RXFP1: variants seen among roughly 807,000 people sequenced by gnomAD.
RXFP1 encodes the protein relaxin receptor 1.
RXFP1 carries 73 observed loss-of-function variants against 89.8 expected under a neutral mutation model. The ratio of observed to expected loss-of-function variants is 0.81; its 90% confidence interval spans 0.67 to 0.99. The LOEUF (loss-of-function observed/expected upper bound fraction) is 0.99. RXFP1 is among the 50% of genes least tolerant of loss of function. The pLI is 0.00. For missense variants in RXFP1, 793 were observed against 895.5 expected (o/e 0.89, Z 1.46); for synonymous variants, 277 against 305.5 (o/e 0.91, Z 0.97).
intron 6 of RXFP1, among the ~76,000 whole-genome samples, chr4:158,611,197 A>G (rs1235059651): frequency 6.6e-6 from 1 of 152,200 alleles, no homozygotes; most frequent in African/African-American, 2.4e-5. Flanking sequence ...GGCTTACAGG[A>G]ATTCACTGCT....
intron 1 of RXFP1, among the ~76,000 whole-genome samples, chr4:158,566,314 T>C (rs1286043675): frequency 6.6e-6 from 1 of 152,230 alleles, no homozygotes; most frequent in African/African-American, 2.4e-5. Context: ...AAATGTTCTT[T>C]ATCCAATACT....
intron 8 of RXFP1, among the ~76,000 whole-genome samples, chr4:158,615,119 G>A (rs1764300407): frequency 6.6e-6 from 1 of 152,008 alleles, no homozygotes; most frequent in African/African-American, 2.4e-5. Context: ...GCCATTGTAA[G>A]GTCATTAATT....
chr4:158,560,642 A>G (rs1415121450), intron 1 of RXFP1, among the ~76,000 whole-genome samples: 1 of 152,150 alleles, frequency 6.6e-6, no homozygotes, highest in Non-Finnish European at 1.5e-5. Flanking sequence ...CCGGGTTGGC[A>G]TTTTGTAGGT....
At chr4:158,578,595 C>A (rs1174446663) in intron 2 of RXFP1, among the ~76,000 whole-genome samples, 2 of 152,132 alleles carry the variant, frequency 1.3e-5, no homozygotes, top group Non-Finnish European at 2.9e-5. Flanking sequence ...AAAAGAAACT[C>A]TTTACGTTTC....
At chr4:158,624,278 C>G (rs913866113) in intron 9 of RXFP1, among the ~76,000 whole-genome samples, 1 of 152,140 alleles carries the variant, frequency 6.6e-6, no homozygotes, top group African/African-American at 2.4e-5. Flanking sequence ...GGCAGCAAGT[C>G]AAGGGCTTTT....
At chr4:158,603,524 A>T (rs925165044) in intron 4 of RXFP1, among the ~76,000 whole-genome samples, 2 of 151,574 alleles carry the variant, frequency 1.3e-5, no homozygotes, top group African/African-American at 4.8e-5. Flanking sequence ...TTCTTTCATT[A>T]TTGTTTCCCT....
intron 12 of RXFP1, among the ~76,000 whole-genome samples, chr4:158,635,779 C>A (rs1769026613): frequency 6.6e-6 from 1 of 152,052 alleles, no homozygotes; most frequent in African/African-American, 2.4e-5. Context: ...TGTGGCTCCC[C>A]CAGCAGTTCC....
intron 4 of RXFP1, among the ~76,000 whole-genome samples, chr4:158,601,411 G>A (rs1761668434): frequency 6.6e-6 from 1 of 152,152 alleles, no homozygotes; most frequent in Non-Finnish European, 1.5e-5. Flanking sequence ...GAGATTAACA[G>A]GTCACTCAGT....
At position 158,608,240 on chromosome 4, in the gene RXFP1, C is replaced by G. The variant is rs1304276536; in HGVS notation, c.536+197C>G. Among the ~76,000 whole-genome samples, 3 of 143,904 alleles carry G rather than the reference C, an allele frequency of 2.1e-5. No individual in the cohort carries two copies. In the East Asian group the frequency reaches 6.2e-4, roughly 30 times the overall value. The allele number at this position is 143,904 out of a possible 152,430, so 94.4% of individuals were successfully genotyped here. On this transcript the variant is annotated intron_variant, in intron 6 of 17. Coordinates refer to ENST00000307765, the MANE Select transcript of RXFP1 (RefSeq NM_021634.4). ...TTCAGTCCAAGTCCTGATTGCCTTA[C>G]TTACTAGGTGTGTGATCTTGAGCAA...
chr4:158,631,716 T>C (rs1339373137), intron 11 of RXFP1, among the ~76,000 whole-genome samples: 1 of 152,034 alleles, frequency 6.6e-6, no homozygotes, highest in African/African-American at 2.4e-5. Flanking sequence ...TGCATTCGGG[T>C]CATGGTGAAA....
Position 158,628,699 on chromosome 4 carries a change from C to T in RXFP1, c.889C>T (p.Leu297=). 1 of 1,567,466 alleles carries T rather than the reference C, an allele frequency of 6.4e-7. No individual in the cohort carries two copies. The highest frequency in any genetic ancestry group is 8.8e-7 in the Non-Finnish European group (1 of 1,141,328). ...AAATACTTTTGCACCTCTCCAGAAA[C>T]TGGATGAATTGTAAGTATGACTGAA... ...NENTFAPLQK[L]DELDLGSNKI... is the part of the protein sequence containing the mutation. The change falls in exon 11 of 18, where the codon CTG becomes TTG. Residue 297 remains leucine, a synonymous_variant. Transcript: ENST00000307765.
chr4:158,558,109 A>G (rs554590938), intron 1 of RXFP1, among the ~76,000 whole-genome samples: 2 of 152,314 alleles, frequency 1.3e-5, no homozygotes, highest in South Asian at 4.1e-4. Flanking sequence ...AAACTTTTCT[A>G]TCTCACCTGT....
chr4:158,575,895 TA>T, intron 2 of RXFP1, among the ~76,000 whole-genome samples: 1 of 152,226 alleles, frequency 6.6e-6, no homozygotes, highest in East Asian at 1.9e-4. Flanking sequence ...TTATTTAGCT[TA>T]TGATTCTTGG....
chr4:158,588,690 A>G (rs984003091), intron 2 of RXFP1, among the ~76,000 whole-genome samples: 3 of 152,200 alleles, frequency 2.0e-5, no homozygotes, highest in East Asian at 3.9e-4. Flanking sequence ...TGTTGTCTGA[A>G]GTTTTTCAGT....
At chr4:158,640,588 CT>C (rs1770182734) in intron 14 of RXFP1, among the ~76,000 whole-genome samples, 1 of 152,130 alleles carries the variant, frequency 6.6e-6, no homozygotes, top group South Asian at 2.1e-4. Context: ...GGAGAACTCA[CT>C]TATTACTGCA....
At chr4:158,582,560 G>C (rs988027290) in intron 2 of RXFP1, among the ~76,000 whole-genome samples, 1 of 152,140 alleles carries the variant, frequency 6.6e-6, no homozygotes, top group Non-Finnish European at 1.5e-5. Flanking sequence ...GCACTCTGGG[G>C]CTCACAGGAA....
chr4:158,570,977 C>T (rs1451810297), intron 1 of RXFP1, among the ~76,000 whole-genome samples: 1 of 152,076 alleles, frequency 6.6e-6, no homozygotes, highest in South Asian at 2.1e-4. Context: ...CTCCTACCTC[C>T]CCTACTCTCA....
intron 4 of RXFP1, among the ~76,000 whole-genome samples, chr4:158,599,989 C>T (rs2150091740): frequency 6.6e-6 from 1 of 152,302 alleles, no homozygotes; most frequent in South Asian, 2.1e-4. Flanking sequence ...AAAAAATTAT[C>T]ACCATAAGTG....
chr4:158,643,463 T>C (rs1343242241), intron 14 of RXFP1, among the ~76,000 whole-genome samples: 1 of 132,002 alleles, frequency 7.6e-6, no homozygotes, highest in Non-Finnish European at 1.6e-5. Flanking sequence ...CTGGATCATA[T>C]GCTAGTTTTT....
Sources: gnomAD v4.1 joint callset for allele counts (sites outside exome capture counted in the v4.1 genomes callset) on GRCh38, gnomAD v4.1.1 for gene constraint, MANE v1.5 for transcripts, NCBI Gene and HGNC (gene_info 2026-07-23, HGNC 2026-07-21) for gene names.